SIRT1: variants seen among roughly 807,000 people sequenced by gnomAD.
SIRT1 encodes the protein sirtuin 1.
A neutral mutation model predicts 67.9 loss-of-function variants in SIRT1; 24 were observed. The ratio of observed to expected loss-of-function variants is 0.35; its 90% confidence interval spans 0.26 to 0.50. The LOEUF (loss-of-function observed/expected upper bound fraction) is 0.50, where lower values mean the gene tolerates loss of function less well. Among genes scored for constraint, SIRT1 ranks in the 20% least tolerant of loss-of-function variants. The pLI, the probability that SIRT1 is intolerant of heterozygous loss-of-function variation, is 0.98. For missense variants in SIRT1, 873 were observed against 937.2 expected (o/e 0.93, Z 0.89); for synonymous variants, 378 against 350.7 (o/e 1.08, Z -0.87).
intron 4 of SIRT1, among the ~76,000 whole-genome samples, chr10:67,904,123 G>T (rs200575750): frequency 1.7e-3 from 198 of 115,370 alleles, no homozygotes; most frequent in South Asian, 0.012. Context: ...AGTTTTTTTT[G>T]TTTGTTTTTT....
chr10:67,916,532 A>C lies in SIRT1; in HGVS notation c.2183A>C (p.Asn728Thr), dbSNP rs761406151. The change falls in exon 9 of 9, where the codon AAT becomes ACT. Residue 728 changes from asparagine to threonine, a missense_variant. Coordinates refer to ENST00000212015, the MANE Select transcript of SIRT1 (RefSeq NM_012238.5). ...GATGGAGATGATCAAGAGGCAATTA[A>C]TGAAGCTATATCTGTGAAACAGGAA... ...GTDGDDQEAI[N>T]EAISVKQEVT... is the part of the protein sequence containing the mutation. 1.2e-5 allele frequency: 20 copies of C among 1,614,198 alleles called. No homozygotes were observed. Among genetic ancestry groups the C allele is most frequent in the Non-Finnish European group, 1.7e-5 (20 of 1,180,036 alleles).
intron 1 of SIRT1, chr10:67,885,451 T>C (rs1159621792): frequency 8.6e-7 from 1 of 1,158,100 alleles, no homozygotes; most frequent in Non-Finnish European, 1.1e-6. Context: ...CCCCTCTTAC[T>C]CTTTTAGCAT....
At chr10:67,895,266 C>A (rs1204891605) in intron 4 of SIRT1, among the ~76,000 whole-genome samples, 2 of 151,986 alleles carry the variant, frequency 1.3e-5, no homozygotes, top group Admixed American at 1.3e-4. Context: ...ATAAAAAATA[C>A]AAAAATCAGC....
chr10:67,884,996 C>A lies in SIRT1; in HGVS notation c.275C>A (p.Ala92Asp). The change falls in exon 1 of 9, where the codon GCC becomes GAC. Residue 92 changes from alanine (A) to aspartate (D), a missense_variant. Physicochemically the swap from Ala to Asp is moderately radical, Grantham distance 126 (BLOSUM62 -2). Coordinates refer to ENST00000212015, the MANE Select transcript of SIRT1 (RefSeq NM_012238.5). ...EAAAAGGEQE[A>D]QATAAAGEGD... is the part of the protein sequence containing the mutation. ...GCGGCGGCAGGCGGGGAGCAAGAGG[C>A]CCAGGCGACTGCGGCGGCTGGGGAA... 7.7e-7 allele frequency: 1 copy of A among 1,303,132 alleles called. No homozygotes were observed. Among genetic ancestry groups the A allele is most frequent in the South Asian group, 2.5e-5 (1 of 40,758 alleles). The allele number at this position is 1,303,132 out of a possible 1,614,324, so 80.7% of individuals were successfully genotyped here.
intron 2 of SIRT1, 121 bp from the exon 3 acceptor site, chr10:67,888,761 A>G: frequency 9.4e-7 from 1 of 1,064,252 alleles, no homozygotes; most frequent in South Asian, 1.6e-5. Flanking sequence ...AAATACCATT[A>G]AATTGCATTT....
rs532201569 is a variant in SIRT1, at chr10:67,906,812, A to G, written c.965A>G (p.Gln322Arg). 3.1e-6 allele frequency: 5 copies of G among 1,612,832 alleles called. No individual in the cohort carries two copies. Among genetic ancestry groups the G allele is most frequent in the Middle Eastern group, 1.7e-4 (1 of 6,056 alleles). The change falls in exon 5 of 9, where the codon CAG (glutamine) becomes CGG (arginine). Residue 322 changes from glutamine (Q) to arginine (R), a missense_variant. This residue lies in a region of SIRT1 where 251 missense variants were observed against 358.8 expected (regional missense o/e 0.70). Transcript: ENST00000212015. ...CAGGAAATATATCCTGGACAATTCC[A>G]GCCATCTCTCTGTCACAAATTCATA... ...FAKEIYPGQFQPSLCHKFIAL... is the reference protein window; with the variant it reads ...FAKEIYPGQFRPSLCHKFIAL...
rs35384624 is a variant in SIRT1 at position 67,887,371 on chromosome 10, G to A, written c.431-46G>A. 300 of 1,170,086 alleles carry A rather than the reference G, an allele frequency of 2.6e-4. 1 individual carries two copies. In the East Asian group the frequency reaches 5.1e-3, roughly 20 times the overall value. 72.5% of individuals were successfully genotyped at this position (1,170,086 alleles called of 1,614,324 possible). ...CTCTATAACCGTTCATACATTTTAG[G>A]TGCATGTTGTTTTGATAGCCTTGAC... is the stretch of plus-strand genomic sequence containing the variant. On this transcript the variant is annotated intron_variant, in intron 1 of 8. Coordinates refer to ENST00000212015, the MANE Select transcript of SIRT1 (RefSeq NM_012238.5).
intron 4 of SIRT1, among the ~76,000 whole-genome samples, chr10:67,898,510 G>C (rs956700293): frequency 6.6e-6 from 1 of 152,028 alleles, no homozygotes; most frequent in African/African-American, 2.4e-5. Context: ...TTAAAAATTT[G>C]AGTTCTAGAA....
chr10:67,886,108 A>G (rs564216970), intron 1 of SIRT1, among the ~76,000 whole-genome samples: 4 of 151,802 alleles, frequency 2.6e-5, no homozygotes, highest in South Asian at 4.2e-4. Context: ...ACGCCCAGCT[A>G]ATTTTTGTGT....
In SIRT1 at chr10:67,904,123, G is replaced by GTTTTTTT. The variant is rs1262495636; in HGVS notation, c.943-2664_943-2663insTTTTTTT. ...TATTTCAGATTTTTTAGTTTTTTTT[G>GTTTTTTT]TTTGTTTTTTTTTTTTTTTTTTTTA... On this transcript the variant is annotated intron_variant, in intron 4 of 8. Transcript: ENST00000212015. Among the ~76,000 whole-genome samples the GTTTTTTT allele has an allele frequency of 7.8e-5, 9 of 115,446 alleles. 2 individuals are homozygous for GTTTTTTT. Among genetic ancestry groups the GTTTTTTT allele is most frequent in the Admixed American group, 1.7e-4 (2 of 11,680 alleles). 75.7% of individuals were successfully genotyped at this position (115,446 alleles called of 152,430 possible).
At chr10:67,911,154 G>T (rs34048386) in intron 7 of SIRT1, among the ~76,000 whole-genome samples, 1,634 of 152,246 alleles carry the variant, frequency 0.011, 38 homozygotes, top group African/African-American at 0.038. Context: ...TTCTTGAGTT[G>T]CTCTTCTTAA....
intron 2 of SIRT1, among the ~76,000 whole-genome samples, chr10:67,887,803 C>T (rs1360988716): frequency 1.3e-5 from 2 of 152,124 alleles, no homozygotes; most frequent in Non-Finnish European, 2.9e-5. Flanking sequence ...CTTGAACTCC[C>T]GACCTCAGGT....
In SIRT1 at chr10:67,891,512, A is replaced by G. The variant is rs1197914932; in HGVS notation, c.900A>G (p.Glu300=). 1.2e-6 allele frequency: 2 copies of G among 1,614,068 alleles called. No individual in the cohort carries two copies. Among genetic ancestry groups the G allele is most frequent in the African/African-American group, 1.3e-5 (1 of 74,932 alleles). ...LPDPQAMFDI[E]YFRKDPRPFF... ...ATCCTCAAGCGATGTTTGATATTGA[A>G]TATTTCAGAAAAGATCCAAGACCAT... The change falls in exon 4 of 9, where the codon GAA becomes GAG. Residue 300 remains glutamate, a synonymous_variant. Transcript: ENST00000212015.
At position 67,918,260 on chromosome 10, in the gene SIRT1, CAT is replaced by C. The variant is rs1224867521; in HGVS notation, c.*1670_*1671del. The stretch of plus-strand genomic sequence containing the variant: ...CATAGTCTTTTATGTAATTTACTGG[CAT>C]ATGTTTTGTAGACTGTTTAATGACT... On this transcript the variant is annotated 3_prime_UTR_variant, in exon 9 of 9. Transcript: ENST00000212015. The C allele has an allele frequency of 1.3e-5, 2 of 152,696 alleles. No individual in the cohort carries two copies. The highest frequency in any genetic ancestry group is 1.9e-4 in the East Asian group (1 of 5,186). The allele number at this position is 152,696 out of a possible 1,614,324, so 9.5% of individuals were successfully genotyped here. A position where few individuals can be genotyped will look rare whatever the true frequency, so the allele number is the denominator to read the frequency against.
intron 4 of SIRT1, among the ~76,000 whole-genome samples, chr10:67,901,977 A>G (rs964000928): frequency 1.2e-4 from 16 of 137,762 alleles, no homozygotes; most frequent in Non-Finnish European, 1.9e-4. Context: ...TCAGGTATAC[A>G]ATATTTGTTT....
rs949413348 is a variant in SIRT1, at chr10:67,916,778, ACT to A, written c.*187_*188del. 2.4e-6 allele frequency: 1 copy of A among 424,342 alleles called. No homozygotes were observed. The highest frequency in any genetic ancestry group is 4.1e-6 in the Non-Finnish European group (1 of 244,358). The allele number at this position is 424,342 out of a possible 1,614,324, so 26.3% of individuals were successfully genotyped here. ...CTTCATTATTTCTGTACTTGTACAA[ACT>A]CAACACTAACTTTTTTTTTTTTAAA... On this transcript the variant is annotated 3_prime_UTR_variant, in exon 9 of 9. Coordinates refer to ENST00000212015, the MANE Select transcript of SIRT1 (RefSeq NM_012238.5).
At chr10:67,902,336 C>T (rs977950966) in intron 4 of SIRT1, among the ~76,000 whole-genome samples, 1 of 152,150 alleles carries the variant, frequency 6.6e-6, no homozygotes, top group Non-Finnish European at 1.5e-5. Flanking sequence ...TGAACTTATT[C>T]TTCCCAGCGT....
chr10:67,903,945 G>C (rs1842781338), intron 4 of SIRT1, among the ~76,000 whole-genome samples: 1 of 151,996 alleles, frequency 6.6e-6, no homozygotes. Context: ...TGTCTTGTTT[G>C]GAATAGGACT....
chr10:67,885,228 G>A (rs1392558866), intron 1 of SIRT1, 77 bp downstream of exon 1: 41 of 1,260,042 alleles, frequency 3.3e-5, no homozygotes, highest in Non-Finnish European at 4.1e-5. Flanking sequence ...TGAGGTTGAG[G>A]GCGGCTGGGG....
Sources: allele counts gnomAD v4.1 joint callset (sites outside exome capture counted in the v4.1 genomes callset), GRCh38; gene constraint gnomAD v4.1.1; regional missense constraint gnomAD v4.1.1; transcripts MANE v1.5; gene names NCBI Gene and HGNC (gene_info 2026-07-23, HGNC 2026-07-21).